PCDH7: variants seen among roughly 807,000 people sequenced by gnomAD.
PCDH7 encodes protocadherin 7.
Under a neutral mutation model 58.9 loss-of-function variants are expected in PCDH7, and 17 were observed. The observed-to-expected ratio is 0.29, with a 90% CI of 0.20 to 0.43. The LOEUF (loss-of-function observed/expected upper bound fraction) is 0.43. PCDH7 is among the 20% of genes least tolerant of loss of function. The pLI, the probability that PCDH7 is intolerant of heterozygous loss-of-function variation, is 1.00. For missense variants in PCDH7, 1,274 were observed against 1,441.0 expected (o/e 0.88, Z 1.88); for synonymous variants, 664 against 616.4 (o/e 1.08, Z -1.14).
At chr4:30,744,239 A>G (rs572626324) in intron 1 of PCDH7, among the ~76,000 whole-genome samples, 77 of 152,294 alleles carry the variant, frequency 5.1e-4, no homozygotes, top group African/African-American at 1.8e-3. Context: ...AGCTGCATTG[A>G]AAAAACCATA....
chr4:31,008,157 CA>C (rs1459188618), intron 3 of PCDH7, among the ~76,000 whole-genome samples: 4 of 151,884 alleles, frequency 2.6e-5, no homozygotes, highest in Non-Finnish European at 5.9e-5. Context: ...GTGCATTAGT[CA>C]AATGAATTAT....
At chr4:30,921,130 TG>T (rs1158569756) in intron 2 of PCDH7, among the ~76,000 whole-genome samples, 1 of 152,178 alleles carries the variant, frequency 6.6e-6, no homozygotes, top group Non-Finnish European at 1.5e-5. Flanking sequence ...AGAGATAATT[TG>T]GTGATTTATT....
intron 1 of PCDH7, among the ~76,000 whole-genome samples, chr4:30,852,829 GAAAAA>G (rs58210433): frequency 2.9e-4 from 22 of 74,614 alleles, no homozygotes; most frequent in Admixed American, 1.6e-4. Context: ...TCAAGCACAG[GAAAAA>G]AAAAAAAAAA....
chr4:30,960,132 A>AGGAC, intron 3 of PCDH7, among the ~76,000 whole-genome samples: 1 of 74,366 alleles, frequency 1.3e-5, no homozygotes, highest in Non-Finnish European at 2.3e-5. Flanking sequence ...GAAGGAAGGA[A>AGGAC]GGAAGGAAGG....
chr4:30,776,255 T>A (rs1722055529), intron 1 of PCDH7: 2 of 152,256 alleles, frequency 1.3e-5, no homozygotes, highest in Non-Finnish European at 2.9e-5. Flanking sequence ...AGTCATCTTC[T>A]AATTTATTTC....
chr4:30,723,114 CG>C lies in PCDH7; in HGVS notation c.1694del (p.Gly565ValfsTer14). On this transcript the variant is annotated frameshift_variant, in exon 1 of 2. Coordinates refer to ENST00000361762, the Ensembl canonical transcript of PCDH7. LOFTEE classifies it high-confidence loss of function. This position sits in a 1 kb window ranked among gnomAD's most constrained non-coding sequence, Gnocchi z 4.6. ...CGGTGCTGGCGACAGACGCAGACAGCGGTAAGAACGCCGAGATCGCCTACTC... is the reference window on the plus strand; with the variant it reads ...CGGTGCTGGCGACAGACGCAGACAGCGTAAGAACGCCGAGATCGCCTACTC... 6.2e-7 allele frequency: 1 copy of C among 1,613,988 alleles called. No homozygotes were observed. Among genetic ancestry groups the C allele is most frequent in the Non-Finnish European group, 8.5e-7 (1 of 1,180,030 alleles).
intron 3 of PCDH7, among the ~76,000 whole-genome samples, chr4:31,139,876 C>A (rs992081726): frequency 3.9e-5 from 6 of 152,158 alleles, no homozygotes; most frequent in African/African-American, 1.4e-4. Context: ...GGTCCCCAAT[C>A]AAGTGTTTTA....
Position 30,809,779 on chromosome 4 carries a change from G to T in PCDH7, c.70+85183G>T, listed in dbSNP as rs767145901. ...ATTTTTCCGTTTCCTTTTTACTTTC[G>T]ACGCCCTAGTAAACATCTCGGGGTT... On this transcript the variant is annotated intron_variant, in intron 1 of 3. Coordinates refer to the PCDH7 transcript ENST00000509759. Among the ~76,000 whole-genome samples the T allele has an allele frequency of 2.6e-5, 4 of 151,870 alleles. No homozygotes were observed. The South Asian group carries it at 8.3e-4, about 32-fold the overall frequency.
chr4:30,781,117 A>G (rs1722719716), intron 1 of PCDH7, among the ~76,000 whole-genome samples: 1 of 152,148 alleles, frequency 6.6e-6, no homozygotes, highest in Non-Finnish European at 1.5e-5. Context: ...CTGGGCTGAT[A>G]CATACATATG....
intron 3 of PCDH7, among the ~76,000 whole-genome samples, chr4:31,117,282 C>A (rs1451876136): frequency 6.6e-6 from 1 of 152,118 alleles, no homozygotes; most frequent in Non-Finnish European, 1.5e-5. Flanking sequence ...TGTCAGTAAA[C>A]CTAATTACCT....
chr4:30,796,956 G>GCTTTTT (rs1450515697), intron 1 of PCDH7, among the ~76,000 whole-genome samples: 1 of 151,518 alleles, frequency 6.6e-6, no homozygotes, highest in East Asian at 1.9e-4. Flanking sequence ...AGTTGTTGGC[G>GCTTTTT]CTTTTTCTTT....
chr4:31,142,126 A>G (rs570970027), intron 3 of PCDH7, among the ~76,000 whole-genome samples: 2 of 152,278 alleles, frequency 1.3e-5, no homozygotes, highest in African/African-American at 4.8e-5. Flanking sequence ...GGATGTGGAA[A>G]ATATTAGCAC....
intron 1 of PCDH7, among the ~76,000 whole-genome samples, chr4:30,882,997 T>A (rs1200521294): frequency 6.6e-6 from 1 of 152,216 alleles, no homozygotes; most frequent in African/African-American, 2.4e-5. Context: ...TCCCTTTCAG[T>A]GTGATACATA....
chr4:30,883,177 C>A (rs910736269), intron 1 of PCDH7, among the ~76,000 whole-genome samples: 1 of 152,092 alleles, frequency 6.6e-6, no homozygotes, highest in Non-Finnish European at 1.5e-5. Flanking sequence ...CAGAATCCCA[C>A]GGAGGTAATT....
At chr4:30,828,844 G>A (rs1005547768) in intron 1 of PCDH7, among the ~76,000 whole-genome samples, 1 of 149,586 alleles carries the variant, frequency 6.7e-6, no homozygotes, top group Non-Finnish European at 1.5e-5. Flanking sequence ...TTTTTTTTTT[G>A]TTGTTGTTGT....
intron 1 of PCDH7, among the ~76,000 whole-genome samples, chr4:30,725,535 T>C (rs1305785912): frequency 6.6e-6 from 1 of 152,164 alleles, no homozygotes; most frequent in Non-Finnish European, 1.5e-5. Context: ...TTTTTGAAAG[T>C]TTTCCTCGTG....
intron 1 of PCDH7, chr4:30,786,650 C>A: frequency 5.4e-6 from 2 of 372,454 alleles, no homozygotes; most frequent in Non-Finnish European, 7.4e-6. Context: ...GATGTGCAGT[C>A]CAAGCTTTGG....
At chr4:30,858,248 TA>T (rs1733747288) in intron 1 of PCDH7, among the ~76,000 whole-genome samples, 1 of 152,188 alleles carries the variant, frequency 6.6e-6, no homozygotes, top group African/African-American at 2.4e-5. Context: ...TTTTTTTCTT[TA>T]TCACTAATTC....
At chr4:30,896,254 T>C (rs531809518) in intron 1 of PCDH7, among the ~76,000 whole-genome samples, 46 of 152,316 alleles carry the variant, frequency 3.0e-4, no homozygotes, top group African/African-American at 1.1e-3. Context: ...AGGCACTAAA[T>C]TCTTGCTGTG....
Sources: gnomAD v4.1 joint callset for allele counts (sites outside exome capture counted in the v4.1 genomes callset) on GRCh38, gnomAD v4.1.1 for gene constraint, Gnocchi (gnomAD v3.1) non-coding constraint, MANE v1.5 for transcripts, NCBI Gene and HGNC (gene_info 2026-07-23, HGNC 2026-07-21) for gene names.